Variants in EEF2K observed in about 807,000 individuals in gnomAD.
EEF2K encodes the protein alternative protein EEF2K.
EEF2K carries 70 observed loss-of-function variants against 93.8 expected under a neutral mutation model. That is an observed-to-expected ratio of 0.75 (90% CI 0.62 to 0.91). EEF2K has a LOEUF of 0.91. EEF2K is among the 40% of genes least tolerant of loss of function. The pLI, the probability that EEF2K is intolerant of heterozygous loss-of-function variation, is 0.00. For synonymous variants in EEF2K, 376 were observed against 380.8 expected (o/e 0.99, Z 0.15); for missense variants, 935 against 972.9 (o/e 0.96, Z 0.52).
At chr16:22,249,712 A>G (rs564618182) in intron 4 of EEF2K, among the ~76,000 whole-genome samples, 1 of 152,160 alleles carries the variant, frequency 6.6e-6, no homozygotes, top group East Asian at 1.9e-4. Context: ...GGCTCAAGCA[A>G]TTATCCCACC....
intron 2 of EEF2K, among the ~76,000 whole-genome samples, chr16:22,242,659 A>C (rs2047235237): frequency 6.6e-6 from 1 of 151,804 alleles, no homozygotes; most frequent in African/African-American, 2.4e-5. Context: ...GGGCCATCAT[A>C]ATGATGGGGT....
At chr16:22,246,337 C>T (rs530432392) in intron 3 of EEF2K, among the ~76,000 whole-genome samples, 2 of 151,722 alleles carry the variant, frequency 1.3e-5, no homozygotes, top group South Asian at 2.1e-4. Context: ...GCCTGACCAA[C>T]ATGGTGAAAC....
At chr16:22,235,631 G>A (rs1198975216) in intron 2 of EEF2K, among the ~76,000 whole-genome samples, 1 of 152,058 alleles carries the variant, frequency 6.6e-6, no homozygotes, top group African/African-American at 2.4e-5. Flanking sequence ...CCAAGTAGCT[G>A]GGATTACAGG....
chr16:22,221,976 A>G (rs1310929156), intron 1 of EEF2K, among the ~76,000 whole-genome samples: 1 of 152,134 alleles, frequency 6.6e-6, no homozygotes, highest in African/African-American at 2.4e-5. Flanking sequence ...AGGCTGAGGC[A>G]GGAGAATCGC....
At chr16:22,234,090 C>A (rs1353165612) in intron 2 of EEF2K, among the ~76,000 whole-genome samples, 1 of 151,648 alleles carries the variant, frequency 6.6e-6, no homozygotes, top group Non-Finnish European at 1.5e-5. Flanking sequence ...CACCAGAGGA[C>A]CCCCCCCAGA....
chr16:22,268,523 G>A (rs1210659536), intron 15 of EEF2K, among the ~76,000 whole-genome samples: 1 of 152,124 alleles, frequency 6.6e-6, no homozygotes, highest in East Asian at 1.9e-4. Context: ...TTGGAGTGCA[G>A]TGGCATGACT....
intron 1 of EEF2K, 126 bp from the exon 2 acceptor site, chr16:22,225,528 A>G: frequency 1.4e-6 from 1 of 709,814 alleles, no homozygotes; most frequent in Non-Finnish European, 2.2e-6. Context: ...TCCCCAAAAG[A>G]TAGCTCTAGG....
chr16:22,209,786 G>C (rs929547398), intron 1 of EEF2K, among the ~76,000 whole-genome samples: 1 of 152,160 alleles, frequency 6.6e-6, no homozygotes, highest in African/African-American at 2.4e-5. Context: ...CACAAGCAAG[G>C]AGGCTTCTTT....
intron 10 of EEF2K, among the ~76,000 whole-genome samples, chr16:22,259,591 G>A (rs907355141): frequency 3.3e-5 from 5 of 152,138 alleles, no homozygotes; most frequent in Non-Finnish European, 5.9e-5. Flanking sequence ...GGATGTGGCT[G>A]TGTTCCAATA....
chr16:22,269,972 A>G (rs937322444), intron 15 of EEF2K, among the ~76,000 whole-genome samples: 2 of 142,568 alleles, frequency 1.4e-5, no homozygotes, highest in African/African-American at 5.2e-5. Flanking sequence ...TTTTTTTTTA[A>G]TTTGAGACAG....
chr16:22,223,481 G>C (rs1056202512), intron 1 of EEF2K, among the ~76,000 whole-genome samples: 5 of 152,098 alleles, frequency 3.3e-5, no homozygotes, highest in African/African-American at 1.2e-4. Context: ...GTTTCGCCAT[G>C]TTGGCCAGGC....
intron 3 of EEF2K, among the ~76,000 whole-genome samples, chr16:22,245,854 G>C (rs764686442): frequency 6.6e-6 from 1 of 152,026 alleles, no homozygotes; most frequent in African/African-American, 2.4e-5. Flanking sequence ...AATGTGTGGC[G>C]GTTTCTCCCC....
At chr16:22,225,996 A>C (rs776119241) in intron 2 of EEF2K, 21 bp downstream of exon 2, 1 of 1,610,594 alleles carries the variant, frequency 6.2e-7, no homozygotes, top group African/African-American at 1.3e-5. Context: ...CACCTATTCC[A>C]CCTTCCCCAC....
At chr16:22,257,582 C>A (rs1274545856) in intron 8 of EEF2K, 61 bp from the exon 9 acceptor site, 1 of 1,592,860 alleles carries the variant, frequency 6.3e-7, no homozygotes. Context: ...TGAGGCCCAC[C>A]ACTGCCTGTC....
In EEF2K at chr16:22,275,904, A is replaced by G. The variant is rs976508178; in HGVS notation, c.1889+2154A>G. 2.0e-5 allele frequency among the ~76,000 whole-genome samples: 3 copies of G among 151,964 alleles called. No individual in the cohort carries two copies. In the South Asian group the frequency reaches 6.2e-4, roughly 32 times the overall value. On this transcript the variant is annotated intron_variant, in intron 16 of 17. Coordinates refer to ENST00000263026, the MANE Select transcript of EEF2K (RefSeq NM_013302.5). ...AATCCTGCCTGCCTCAGCCTCCCAAAGTGCTGGGATTACAGATGTGAGCCA... is the reference window on the plus strand; with the variant it reads ...AATCCTGCCTGCCTCAGCCTCCCAAGGTGCTGGGATTACAGATGTGAGCCA...
chr16:22,230,768 A>G (rs1365085267), intron 2 of EEF2K, among the ~76,000 whole-genome samples: 1 of 152,082 alleles, frequency 6.6e-6, no homozygotes, highest in East Asian at 1.9e-4. Flanking sequence ...ATTCTATGTG[A>G]TTTGACCTTT....
chr16:22,220,774 C>T (rs1278596201), intron 1 of EEF2K, among the ~76,000 whole-genome samples: 2 of 152,212 alleles, frequency 1.3e-5, no homozygotes, highest in Non-Finnish European at 2.9e-5. Flanking sequence ...CACCGAACTA[C>T]ACTGTCTGGA....
At position 22,216,774 on chromosome 16, in the gene EEF2K, T is replaced by C. The variant is rs955346283; in HGVS notation, c.-76-8880T>C. Among the ~76,000 whole-genome samples, 4 of 151,620 alleles carry C rather than the reference T, an allele frequency of 2.6e-5. No homozygotes were observed. In the South Asian group the frequency reaches 8.3e-4, roughly 32 times the overall value. The stretch of plus-strand genomic sequence containing the variant: ...AGAAGAAGACCTACCAGTGTAGGGA[T>C]AGGGTGGGGAAGGGAAGTAGTAAGG... On this transcript the variant is annotated intron_variant, in intron 1 of 17. Transcript: ENST00000263026.
Position 22,257,350 on chromosome 16 carries a change from CGGAGACGGGCACTGACTTT to C in EEF2K, c.875_893del (p.Gly292AlafsTer3). 1 of 1,613,960 alleles carries C rather than the reference CGGAGACGGGCACTGACTTT, an allele frequency of 6.2e-7. No homozygotes were observed. Among genetic ancestry groups the C allele is most frequent in the Non-Finnish European group, 8.5e-7 (1 of 1,179,980 alleles). The stretch of plus-strand genomic sequence containing the variant: ...CTCTACACTGACCCACAGATCCACA[CGGAGACGGGCACTGACTTT>C]GGAGACGGCAACCTAGGTACGTGGG... On this transcript the variant is annotated frameshift_variant, in exon 8 of 18. Coordinates refer to ENST00000263026, the MANE Select transcript of EEF2K (RefSeq NM_013302.5). LOFTEE classifies it high-confidence loss of function.
Sources: allele counts gnomAD v4.1 joint callset (sites outside exome capture counted in the v4.1 genomes callset), GRCh38; gene constraint gnomAD v4.1.1; transcripts MANE v1.5; gene names NCBI Gene and HGNC (gene_info 2026-07-23, HGNC 2026-07-21).